The following OSCP1 variants were observed in gnomAD, a reference collection of about 807,000 sequenced individuals.
OSCP1 encodes protein OSCP1.
A neutral mutation model predicts 45.1 loss-of-function variants in OSCP1; 35 were observed. The ratio of observed to expected loss-of-function variants is 0.78; its 90% CI spans 0.59 to 1.03. OSCP1 has a LOEUF of 1.03. OSCP1 is among the 50% of genes least tolerant of loss of function. The pLI, the probability that OSCP1 is intolerant of heterozygous loss-of-function variation, is 0.00. For synonymous variants in OSCP1, 179 were observed against 180.1 expected, an observed-to-expected ratio of 0.99 and a Z score of 0.05; for missense variants, 400 against 470.7, an observed-to-expected ratio of 0.85 and a Z score of 1.39.
rs150651141 is a variant in OSCP1, at chr1:36,420,928, C to T, written c.820-313G>A. Among the ~76,000 whole-genome samples, 887 of 152,184 alleles carry T rather than the reference C, an allele frequency of 5.8e-3. 10 individuals carry two copies. The highest frequency in any genetic ancestry group is 0.02 in the African/African-American group (841 of 41,506). On this transcript the variant is annotated intron_variant, in intron 7 of 9. Transcript: ENST00000235532. Reference sequence around the variant, plus strand: ...GTGTATGGCTTCCTTTCCTGTCAATCGGTTTCCCTCAGCATTTACAAGTCG... The same window carrying T: ...GTGTATGGCTTCCTTTCCTGTCAATTGGTTTCCCTCAGCATTTACAAGTCG...
At chr1:36,420,832 T>G (rs1647574989) in intron 7 of OSCP1, among the ~76,000 whole-genome samples, 1 of 152,222 alleles carries the variant, frequency 6.6e-6, no homozygotes, top group Admixed American at 6.5e-5. Context: ...CCAGAGATTT[T>G]CATACTTTCC....
intron 4 of OSCP1, among the ~76,000 whole-genome samples, chr1:36,427,007 C>CT (rs1269016112): frequency 0.012 from 1,524 of 123,658 alleles, 23 homozygotes; most frequent in African/African-American, 0.034. Flanking sequence ...TGCCTGGCCT[C>CT]TTTTTTTTTT....
At chr1:36,432,114 C>G (rs1648403872) in intron 3 of OSCP1, among the ~76,000 whole-genome samples, 1 of 152,106 alleles carries the variant, frequency 6.6e-6, no homozygotes, top group Admixed American at 6.6e-5. Flanking sequence ...CTCCACAGAC[C>G]TGGAGAGCCT....
chr1:36,439,054 G>A, intron 1 of OSCP1, 144 bp from the exon 2 acceptor site: 1 of 751,018 alleles, frequency 1.3e-6, no homozygotes, highest in South Asian at 2.6e-5. Context: ...CTCCCTGAGG[G>A]GACCACACAG....
At chr1:36,430,049 G>A (rs1268853122) in intron 4 of OSCP1, among the ~76,000 whole-genome samples, 1 of 151,786 alleles carries the variant, frequency 6.6e-6, no homozygotes, top group Non-Finnish European at 1.5e-5. Flanking sequence ...CACCCGCCTC[G>A]GCCTCCCAAA....
intron 1 of OSCP1, among the ~76,000 whole-genome samples, chr1:36,442,050 A>G (rs1007389136): frequency 6.6e-6 from 1 of 151,996 alleles, no homozygotes; most frequent in Admixed American, 6.6e-5. Context: ...CAACATGGAG[A>G]AACCCCATCT....
At chr1:36,422,355 A>C in intron 6 of OSCP1, 136 bp from the exon 7 acceptor site, 1 of 817,528 alleles carries the variant, frequency 1.2e-6, no homozygotes, top group Non-Finnish European at 2.0e-6. Flanking sequence ...TACAGAATGC[A>C]ACTGAGTGTG....
intron 2 of OSCP1, among the ~76,000 whole-genome samples, chr1:36,432,817 C>T (rs906863746): frequency 6.6e-6 from 1 of 152,106 alleles, no homozygotes; most frequent in East Asian, 1.9e-4. Context: ...CATTCCTGGG[C>T]AAACCAGGAT....
At chr1:36,425,098 CA>C (rs1202481907) in intron 4 of OSCP1, among the ~76,000 whole-genome samples, 1 of 150,310 alleles carries the variant, frequency 6.7e-6, no homozygotes, top group African/African-American at 2.5e-5. Flanking sequence ...GCTTGAACCC[CA>C]GAGGTGGAGG....
chr1:36,431,973 G>T, intron 3 of OSCP1, 91 bp from the exon 4 acceptor site: 3 of 1,174,686 alleles, frequency 2.6e-6, no homozygotes, highest in Non-Finnish European at 2.4e-6. Flanking sequence ...AGGGATGGGA[G>T]CCAGATAGGT....
At chr1:36,418,786 G>C (rs1469070856) in intron 9 of OSCP1, among the ~76,000 whole-genome samples, 1 of 151,974 alleles carries the variant, frequency 6.6e-6, no homozygotes, top group Non-Finnish European at 1.5e-5. Context: ...AAATTAGCTG[G>C]GCATATTGGC....
chr1:36,450,283 G>A lies in OSCP1; in HGVS notation c.87C>T (p.Asn29=). The change falls in exon 1 of 10, where the codon AAC becomes AAT. Residue 29 remains asparagine, a synonymous_variant. Coordinates refer to ENST00000235532, the MANE Select transcript of OSCP1 (RefSeq NM_145047.5). ...YILDQRLRAQ[N]IPGDKARKVL... is the part of the protein sequence containing the mutation. ...CTTTGCGGGCCTTGTCTCCCGGGAT[G>A]TTCTGGGCCCGCAGCCGTTGGTCGA... The A allele has an allele frequency of 6.2e-7, 1 of 1,613,656 alleles. No individual in the cohort carries two copies. Among genetic ancestry groups the A allele is most frequent in the Non-Finnish European group, 8.5e-7 (1 of 1,179,862 alleles).
Position 36,428,620 on chromosome 1 carries a change from T to C in OSCP1, c.516+3182A>G, listed in dbSNP as rs1233738440. ...TTGCCCAAGGTCATGGAGCTAGTCC[T>C]ATAGTTGGGATTCATTTTCTTAATT... On this transcript the variant is annotated intron_variant, in intron 4 of 9. Transcript: ENST00000235532. 16 of 1,008,842 alleles carry C rather than the reference T, an allele frequency of 1.6e-5. No homozygotes were observed. The East Asian group carries it at 4.4e-4, about 28-fold the overall frequency. 62.5% of individuals were successfully genotyped at this position (1,008,842 alleles called of 1,614,324 possible). A position where few individuals can be genotyped will look rare whatever the true frequency, so the allele number is the denominator to read the frequency against.
chr1:36,426,404 G>A (rs527243847), intron 4 of OSCP1, among the ~76,000 whole-genome samples: 2 of 151,990 alleles, frequency 1.3e-5, no homozygotes, highest in East Asian at 3.9e-4. Flanking sequence ...CATACTCCAG[G>A]GCTCACCTCT....
At chr1:36,444,164 T>A in intron 1 of OSCP1, 1 of 991,984 alleles carries the variant, frequency 1.0e-6, no homozygotes, top group Non-Finnish European at 1.6e-6. Context: ...ATTTAATGTC[T>A]AATGTGAGCA....
At chr1:36,431,392 GGTACA>G (rs1322857494) in intron 4 of OSCP1, among the ~76,000 whole-genome samples, 2 of 152,008 alleles carry the variant, frequency 1.3e-5, no homozygotes, top group African/African-American at 4.8e-5. Flanking sequence ...AGCCCAGGAT[GGTACA>G]GAGCCATGAA....
intron 4 of OSCP1, 38 bp from the exon 5 acceptor site, chr1:36,423,504 T>C: frequency 6.7e-7 from 1 of 1,502,370 alleles, no homozygotes; most frequent in South Asian, 1.2e-5. Flanking sequence ...TTTCTTGGTA[T>C]ATTTTCATAG....
At chr1:36,439,413 A>G (rs1261377791) in intron 1 of OSCP1, among the ~76,000 whole-genome samples, 2 of 152,174 alleles carry the variant, frequency 1.3e-5, no homozygotes, top group Non-Finnish European at 2.9e-5. Flanking sequence ...CTGAGGCAGG[A>G]GGATCACTTG....
At chr1:36,441,943 G>C (rs575823345) in intron 1 of OSCP1, among the ~76,000 whole-genome samples, 6 of 150,330 alleles carry the variant, frequency 4.0e-5, no homozygotes, top group Admixed American at 2.0e-4. Flanking sequence ...AGAGGCTAAG[G>C]GGGGCCGGGC....
Sources: allele counts gnomAD v4.1 joint callset (sites outside exome capture counted in the v4.1 genomes callset), GRCh38; gene constraint gnomAD v4.1.1; transcripts MANE v1.5; gene names NCBI Gene and HGNC (gene_info 2026-07-23, HGNC 2026-07-21).